The following CALN1 variants were observed in gnomAD, a reference collection of about 807,000 sequenced individuals.
CALN1 encodes the protein calcium-binding protein 8.
CALN1 carries 17 observed loss-of-function variants against 30.6 expected under a neutral mutation model. The ratio of observed to expected loss-of-function variants is 0.56; its 90% CI spans 0.38 to 0.83. The LOEUF is 0.83. Among genes scored for constraint, CALN1 ranks in the 40% least tolerant of loss-of-function variants. CALN1 has a pLI of 0.00. For synonymous variants in CALN1, 156 were observed against 131.4 expected (o/e 1.19, Z -1.28); for missense variants, 291 against 354.9 (o/e 0.82, Z 1.45).
At chr7:72,261,309 A>G (rs1377619483) in intron 3 of CALN1, among the ~76,000 whole-genome samples, 3 of 152,184 alleles carry the variant, frequency 2.0e-5, no homozygotes, top group African/African-American at 7.2e-5. Flanking sequence ...CTCTGTCTCA[A>G]AAAAACAAAA....
chr7:72,213,176 G>A (rs1280410658), intron 3 of CALN1, among the ~76,000 whole-genome samples: 1 of 152,180 alleles, frequency 6.6e-6, no homozygotes, highest in Admixed American at 6.5e-5. Context: ...AATGCATTGC[G>A]TGTCCTAATT....
intron 2 of CALN1, among the ~76,000 whole-genome samples, chr7:72,377,481 GTAT>G (rs1273606737): frequency 1.4e-5 from 2 of 140,410 alleles, no homozygotes; most frequent in African/African-American, 2.6e-5. Flanking sequence ...GTGTTTGCAT[GTAT>G]TATAATTTTT....
intron 5 of CALN1, among the ~76,000 whole-genome samples, chr7:71,835,081 C>T (rs1789527067): frequency 6.6e-6 from 1 of 152,186 alleles, no homozygotes; most frequent in Non-Finnish European, 1.5e-5. Flanking sequence ...GGAAGGGATC[C>T]TCCTGCCTTG....
intron 3 of CALN1, among the ~76,000 whole-genome samples, chr7:72,182,814 A>T (rs1338784946): frequency 6.6e-6 from 1 of 151,946 alleles, no homozygotes; most frequent in Non-Finnish European, 1.5e-5. Context: ...CTAGATAGGA[A>T]CACTAGCTTC....
At chr7:71,903,197 C>G (rs1793955042) in intron 5 of CALN1, among the ~76,000 whole-genome samples, 1 of 151,928 alleles carries the variant, frequency 6.6e-6, no homozygotes, top group African/African-American at 2.4e-5. Flanking sequence ...TTAAAAAGGG[C>G]TAACTTAAAT....
chr7:71,888,432 CGAGA>C (rs113040770), intron 5 of CALN1, among the ~76,000 whole-genome samples: 164 of 128,406 alleles, frequency 1.3e-3, no homozygotes, highest in Middle Eastern at 5.4e-3. Context: ...AAGCCATTAT[CGAGA>C]GAGAGAGAGA....
chr7:71,959,097 C>G (rs543015217), intron 5 of CALN1, among the ~76,000 whole-genome samples: 1 of 152,298 alleles, frequency 6.6e-6, no homozygotes, highest in Admixed American at 6.5e-5. Context: ...CTATCAAAGG[C>G]TAGGAGAGAA....
chr7:72,137,543 A>G (rs965089804), intron 3 of CALN1, among the ~76,000 whole-genome samples: 3 of 151,982 alleles, frequency 2.0e-5, no homozygotes, highest in African/African-American at 7.2e-5. Flanking sequence ...TTTGTAAAAA[A>G]CAAACAAACA....
At chr7:72,151,161 G>C (rs2129544166) in intron 3 of CALN1, among the ~76,000 whole-genome samples, 1 of 152,278 alleles carries the variant, frequency 6.6e-6, no homozygotes, top group East Asian at 1.9e-4. Context: ...TTGTCTCACT[G>C]TTCTGGGGGC....
intron 3 of CALN1, among the ~76,000 whole-genome samples, chr7:72,257,708 C>T (rs1393484427): frequency 2.6e-5 from 4 of 152,172 alleles, no homozygotes; most frequent in Non-Finnish European, 4.4e-5. Context: ...GTGGAACCGA[C>T]CTCAATGCCC....
At chr7:72,042,991 G>A (rs1309797983) in intron 4 of CALN1, among the ~76,000 whole-genome samples, 4 of 152,102 alleles carry the variant, frequency 2.6e-5, no homozygotes, top group Admixed American at 1.3e-4. Flanking sequence ...ATTCAGCCAA[G>A]GCCACAAAAA....
intron 2 of CALN1, among the ~76,000 whole-genome samples, chr7:72,358,316 C>T (rs764390255): frequency 7.9e-5 from 12 of 151,974 alleles, no homozygotes; most frequent in Non-Finnish European, 1.5e-4. Flanking sequence ...CAAATTTTCA[C>T]GTGGAGTGAT....
intron 3 of CALN1, among the ~76,000 whole-genome samples, chr7:72,219,335 C>T (rs1793091148): frequency 6.6e-6 from 1 of 152,182 alleles, no homozygotes; most frequent in African/African-American, 2.4e-5. Context: ...AAGTGATCCT[C>T]CAACTTCAGC....
chr7:72,265,928 G>C (rs1796565846), intron 3 of CALN1, among the ~76,000 whole-genome samples: 2 of 152,004 alleles, frequency 1.3e-5, no homozygotes, highest in African/African-American at 4.8e-5. Flanking sequence ...GAGCCTAGGA[G>C]TTCCAGACCA....
intron 2 of CALN1, among the ~76,000 whole-genome samples, chr7:72,358,173 T>A (rs1803352876): frequency 6.6e-6 from 1 of 151,816 alleles, no homozygotes; most frequent in Non-Finnish European, 1.5e-5. Flanking sequence ...TTAATCTTTT[T>A]CTGGAGACAG....
chr7:72,040,250 G>A (rs1802042752), intron 4 of CALN1, among the ~76,000 whole-genome samples: 1 of 151,990 alleles, frequency 6.6e-6, no homozygotes, highest in Admixed American at 6.6e-5. Context: ...TGAGGCAGGA[G>A]GATCCCTTGA....
the CALN1 span, among the ~76,000 whole-genome samples, chr7:72,487,698 G>GAAAGAAAAGA: frequency 8.1e-5 from 7 of 86,238 alleles, no homozygotes; most frequent in Non-Finnish European, 1.1e-4. Flanking sequence ...AAGAAAGAAA[G>GAAAGAAAAGA]AAAGAAAAGA....
At chr7:72,274,868 T>C (rs975975524) in intron 3 of CALN1, among the ~76,000 whole-genome samples, 2 of 152,172 alleles carry the variant, frequency 1.3e-5, no homozygotes, top group Non-Finnish European at 2.9e-5. Flanking sequence ...AATCTGATCA[T>C]TTTGAAGCAG....
At chr7:72,323,188 T>C (rs1310160693) in intron 2 of CALN1, among the ~76,000 whole-genome samples, 1 of 152,062 alleles carries the variant, frequency 6.6e-6, no homozygotes, top group Non-Finnish European at 1.5e-5. Flanking sequence ...CTGTGAGCCT[T>C]TGCAGTGAGT....
Sources: allele counts gnomAD v4.1 joint callset (sites outside exome capture counted in the v4.1 genomes callset), GRCh38; gene constraint gnomAD v4.1.1; transcripts MANE v1.5; gene names NCBI Gene and HGNC (gene_info 2026-07-23, HGNC 2026-07-21).